Variants in IQCJ observed in about 807,000 individuals in gnomAD.
IQCJ encodes the protein IQ domain-containing protein J.
In IQCJ, 9 loss-of-function variants were observed where a neutral mutation model predicts 11.0. The observed-to-expected ratio is 0.82, with a 90% CI of 0.49 to 1.43. IQCJ has a LOEUF of 1.43. Ranked by LOEUF, IQCJ falls within the 40% of genes most tolerant of loss-of-function variation. The probability of loss-of-function intolerance (pLI) is 0.00; values close to 1 mark genes in which losing one functional copy is unlikely to be tolerated. For synonymous variants in IQCJ, 55 were observed against 51.3 expected (o/e 1.07, Z -0.31); for missense variants, 146 against 133.2 (o/e 1.10, Z -0.47).
chr3:159,111,670 T>A (rs1012374531), intron 1 of IQCJ, among the ~76,000 whole-genome samples: 8 of 152,188 alleles, frequency 5.3e-5, no homozygotes, highest in Admixed American at 5.2e-4. Context: ...CATGGTGGAA[T>A]GCATCTGCTT....
chr3:159,253,397 A>G (rs969827097), intron 3 of IQCJ, among the ~76,000 whole-genome samples: 1 of 152,166 alleles, frequency 6.6e-6, no homozygotes, highest in Non-Finnish European at 1.5e-5. Flanking sequence ...ACAAGATCCA[A>G]ATTGAGAAAG....
intron 1 of IQCJ, among the ~76,000 whole-genome samples, chr3:159,140,226 G>A (rs1242402212): frequency 6.6e-6 from 1 of 152,204 alleles, no homozygotes; most frequent in Non-Finnish European, 1.5e-5. Context: ...TTTGACAAAC[G>A]TATAATGACA....
chr3:159,187,279 C>A (rs1375329438), intron 1 of IQCJ, among the ~76,000 whole-genome samples: 1 of 152,210 alleles, frequency 6.6e-6, no homozygotes, highest in Non-Finnish European at 1.5e-5. Flanking sequence ...TGGCTGAAAA[C>A]CCAATACAGA....
chr3:159,117,405 T>G (rs1719095268), intron 1 of IQCJ, among the ~76,000 whole-genome samples: 1 of 152,212 alleles, frequency 6.6e-6, no homozygotes, highest in Non-Finnish European at 1.5e-5. Context: ...AATTCCAGGC[T>G]CTAGATTCTG....
At chr3:159,180,860 GT>G in intron 1 of IQCJ, among the ~76,000 whole-genome samples, 1 of 151,960 alleles carries the variant, frequency 6.6e-6, no homozygotes, top group South Asian at 2.1e-4. Context: ...CTAGATATAT[GT>G]TTTTAAAATT....
intron 1 of IQCJ, among the ~76,000 whole-genome samples, chr3:159,126,343 A>G (rs1719677700): frequency 6.6e-6 from 1 of 152,218 alleles, no homozygotes; most frequent in Non-Finnish European, 1.5e-5. Flanking sequence ...TGAATATTTA[A>G]GTACCCAGCT....
rs139005582 is a variant in IQCJ at position 159,101,527 on chromosome 3, A to C, written c.9+32086A>C. 1.2e-3 allele frequency among the ~76,000 whole-genome samples: 185 copies of C among 152,324 alleles called. 1 individual carries two copies. Among genetic ancestry groups the C allele is most frequent in the African/African-American group, 4.2e-3 (176 of 41,580 alleles). On this transcript the variant is annotated intron_variant, in intron 1 of 3. Coordinates refer to ENST00000397832, the MANE Select transcript of IQCJ (RefSeq NM_001042706.3). ...GGGGAGAGCCACTCAGTGGACATCAACTATCATCCCCATGTGTTTCATTAT... is the reference window on the plus strand; with the variant it reads ...GGGGAGAGCCACTCAGTGGACATCACCTATCATCCCCATGTGTTTCATTAT...
chr3:159,218,341 T>G (rs199974762), intron 1 of IQCJ, among the ~76,000 whole-genome samples: 1 of 146,016 alleles, frequency 6.8e-6, no homozygotes, highest in East Asian at 2.0e-4. Context: ...GAGTCCCTCT[T>G]TGTGTGTGTG....
At chr3:159,210,835 A>T (rs552069896) in intron 1 of IQCJ, among the ~76,000 whole-genome samples, 1 of 152,024 alleles carries the variant, frequency 6.6e-6, no homozygotes, top group African/African-American at 2.4e-5. Flanking sequence ...ACACCCCGCT[A>T]ATTTTTCTGT....
At chr3:159,077,888 G>A (rs1047928407) in intron 1 of IQCJ, among the ~76,000 whole-genome samples, 1 of 151,930 alleles carries the variant, frequency 6.6e-6, no homozygotes, top group Non-Finnish European at 1.5e-5. Flanking sequence ...TAAAAAATTA[G>A]TCCTTCTTGC....
At chr3:159,115,407 A>C (rs1269777469) in intron 1 of IQCJ, among the ~76,000 whole-genome samples, 1 of 152,180 alleles carries the variant, frequency 6.6e-6, no homozygotes, top group African/African-American at 2.4e-5. Context: ...CCATGGGTCA[A>C]AATTTGGTTT....
intron 1 of IQCJ, among the ~76,000 whole-genome samples, chr3:159,086,095 A>T (rs1482543691): frequency 6.6e-6 from 1 of 152,196 alleles, no homozygotes; most frequent in Non-Finnish European, 1.5e-5. Flanking sequence ...ATTTTTGTAT[A>T]AGGTGTAAAG....
intron 1 of IQCJ, among the ~76,000 whole-genome samples, chr3:159,102,342 G>A (rs1577008409): frequency 6.6e-6 from 1 of 152,272 alleles, no homozygotes; most frequent in East Asian, 1.9e-4. Context: ...AGCACCTAAG[G>A]AGAAGAGTGA....
chr3:159,125,988 G>A (rs151174648), intron 1 of IQCJ, among the ~76,000 whole-genome samples: 3 of 152,300 alleles, frequency 2.0e-5, no homozygotes, highest in East Asian at 3.9e-4. Context: ...CAAGTACAGC[G>A]GCTTCTCCCA....
At chr3:159,122,318 A>G (rs144114547) in intron 1 of IQCJ, among the ~76,000 whole-genome samples, 1 of 152,344 alleles carries the variant, frequency 6.6e-6, no homozygotes. Flanking sequence ...ATAACAGATT[A>G]CATGCAGATT....
intron 1 of IQCJ, among the ~76,000 whole-genome samples, chr3:159,094,177 G>A (rs1408269796): frequency 6.6e-6 from 1 of 151,750 alleles, no homozygotes; most frequent in Non-Finnish European, 1.5e-5. Context: ...ATAATGGATT[G>A]AGAAGCTGCT....
At chr3:159,152,464 A>G (rs6789328) in intron 1 of IQCJ, among the ~76,000 whole-genome samples, 69,449 of 151,916 alleles carry the variant, frequency 0.46, 16,145 homozygotes, top group South Asian at 0.58. Context: ...CATGTGTCTG[A>G]ACTAGGAGAG....
chr3:159,125,374 G>T (rs1434133981), intron 1 of IQCJ, among the ~76,000 whole-genome samples: 1 of 152,158 alleles, frequency 6.6e-6, no homozygotes, highest in Admixed American at 6.5e-5. Context: ...ATGGAATGTG[G>T]CATCCCAGAT....
intron 1 of IQCJ, among the ~76,000 whole-genome samples, chr3:159,223,042 A>G (rs1361390456): frequency 6.6e-6 from 1 of 152,110 alleles, no homozygotes; most frequent in Non-Finnish European, 1.5e-5. Flanking sequence ...TATTTATACT[A>G]CTCAAGGAAA....
Sources: allele counts gnomAD v4.1 joint callset (sites outside exome capture counted in the v4.1 genomes callset), GRCh38; gene constraint gnomAD v4.1.1; transcripts MANE v1.5; gene names NCBI Gene and HGNC (gene_info 2026-07-23, HGNC 2026-07-21).